The following GOLIM4 variants were observed in gnomAD, a reference collection of about 807,000 sequenced individuals.
The protein encoded by GOLIM4 is 130 kDa golgi-localized phosphoprotein.
Under a neutral mutation model 107.4 loss-of-function variants are expected in GOLIM4, and 71 were observed. That is an observed-to-expected ratio of 0.66 (90% CI 0.55 to 0.81). The LOEUF is 0.81. Among genes scored for constraint, GOLIM4 ranks in the 30% least tolerant of loss-of-function variants. The pLI is 0.00. For synonymous variants in GOLIM4, 327 were observed against 294.8 expected, an observed-to-expected ratio of 1.11 and a Z score of -1.12; for missense variants, 830 against 826.1, an observed-to-expected ratio of 1.00 and a Z score of -0.06.
chr3:168,092,705 A>G (rs1721973918), intron 1 of GOLIM4, among the ~76,000 whole-genome samples: 2 of 152,212 alleles, frequency 1.3e-5, no homozygotes, highest in Admixed American at 1.3e-4. Flanking sequence ...TGCAGGTGGT[A>G]CACAGTGCTG....
chr3:168,046,436 G>C (rs1719308624), intron 3 of GOLIM4, among the ~76,000 whole-genome samples: 1 of 152,322 alleles, frequency 6.6e-6, no homozygotes, highest in East Asian at 1.9e-4. Context: ...TTCCTAGGCA[G>C]AGGACCCTGC....
At position 168,059,352 on chromosome 3, in the gene GOLIM4, C is replaced by T. The variant is rs138307808; in HGVS notation, c.188-10987G>A. On this transcript the variant is annotated intron_variant, in intron 1 of 15. Coordinates refer to ENST00000470487, the MANE Select transcript of GOLIM4 (RefSeq NM_014498.5). ...TCTCCTTCAAATCAATGTAGCAGTA[C>T]ACACAAGTTAACTCACCTTCATTCA... Among the ~76,000 whole-genome samples the T allele has an allele frequency of 2.0e-3, 301 of 152,350 alleles. 2 individuals carry two copies. The highest frequency in any genetic ancestry group is 6.8e-3 in the African/African-American group (282 of 41,584).
chr3:168,030,810 C>T (rs1187407107), intron 9 of GOLIM4, among the ~76,000 whole-genome samples: 1 of 152,016 alleles, frequency 6.6e-6, no homozygotes, highest in Non-Finnish European at 1.5e-5. Flanking sequence ...GGAGGTTCCT[C>T]AAAAAGCTAA....
chr3:168,082,818 G>C (rs1161509884), intron 1 of GOLIM4, among the ~76,000 whole-genome samples: 1 of 151,934 alleles, frequency 6.6e-6, no homozygotes, highest in Admixed American at 6.6e-5. Flanking sequence ...AATGGGGCAG[G>C]AAGAGAAACA....
intron 1 of GOLIM4, among the ~76,000 whole-genome samples, chr3:168,055,309 C>A (rs919953115): frequency 2.0e-5 from 3 of 152,146 alleles, no homozygotes; most frequent in African/African-American, 4.8e-5. Context: ...GATATGGACA[C>A]TGAAATCCAG....
At chr3:168,050,507 G>A (rs1209687101) in intron 1 of GOLIM4, among the ~76,000 whole-genome samples, 1 of 152,034 alleles carries the variant, frequency 6.6e-6, no homozygotes, top group Non-Finnish European at 1.5e-5. Flanking sequence ...TAGGGAAAGA[G>A]CTAAATTACA....
chr3:168,074,096 G>A (rs1044302502), intron 1 of GOLIM4, among the ~76,000 whole-genome samples: 4 of 152,164 alleles, frequency 2.6e-5, no homozygotes, highest in Non-Finnish European at 4.4e-5. Context: ...TAGGCAACCC[G>A]AGGAGGGGCG....
chr3:168,062,592 C>T (rs116520071), intron 1 of GOLIM4, among the ~76,000 whole-genome samples: 3,497 of 152,182 alleles, frequency 0.023, 132 homozygotes, highest in African/African-American at 0.08. Context: ...AATGTGTCTT[C>T]CTCACAAATG....
intron 14 of GOLIM4, among the ~76,000 whole-genome samples, chr3:168,020,611 T>C (rs962569514): frequency 5.3e-5 from 8 of 152,228 alleles, no homozygotes; most frequent in Admixed American, 6.5e-5. Flanking sequence ...AGATGGGCTA[T>C]AGAAAATTTA....
chr3:168,062,782 T>C (rs771565358), intron 1 of GOLIM4, among the ~76,000 whole-genome samples: 10 of 149,686 alleles, frequency 6.7e-5, no homozygotes, highest in Non-Finnish European at 1.5e-4. Context: ...TGAAGCAAAC[T>C]ATATTTAGGA....
intron 8 of GOLIM4, among the ~76,000 whole-genome samples, chr3:168,036,103 G>A (rs1471007203): frequency 6.6e-6 from 1 of 152,176 alleles, no homozygotes; most frequent in East Asian, 1.9e-4. Flanking sequence ...TGGGTTGACT[G>A]TCACATAAAA....
chr3:168,041,119 CATT>C (rs897283145), intron 6 of GOLIM4: 72 of 503,856 alleles, frequency 1.4e-4, no homozygotes, highest in African/African-American at 1.3e-3. Flanking sequence ...ACAAATTTCT[CATT>C]ATTAGTAAAC....
intron 8 of GOLIM4, 37 bp from the exon 9 acceptor site, chr3:168,032,889 A>G: frequency 1.4e-6 from 2 of 1,459,134 alleles, no homozygotes; most frequent in Non-Finnish European, 1.9e-6. Context: ...ACACTCTTCC[A>G]ATTTCAAAAG....
intron 10 of GOLIM4, 128 bp downstream of exon 10, chr3:168,029,652 T>C: frequency 2.0e-6 from 2 of 985,642 alleles, no homozygotes; most frequent in Non-Finnish European, 3.0e-6. Flanking sequence ...GTAGCTGTCC[T>C]GCCTTGGCTA....
At chr3:168,032,445 T>C (rs938098440) in intron 9 of GOLIM4, 75 bp downstream of exon 9, 1 of 987,540 alleles carries the variant, frequency 1.0e-6, no homozygotes, top group African/African-American at 1.6e-5. Flanking sequence ...GATTGTGATA[T>C]ATTACCTTAA....
At position 168,032,547 on chromosome 3, in the gene GOLIM4, G is replaced by A; in HGVS notation, c.1149C>T (p.Asn383=). Residue 383 remains asparagine, a synonymous_variant, in exon 9 of 16, where the codon AAC becomes AAT. Transcript: ENST00000470487. ...KEQHEQREAA[N]LLEGHARAEV... The stretch of plus-strand genomic sequence containing the variant: ...CAGCACGCGCGTGCCCTTCCAGGAG[G>A]TTGGCTGCTTCTCGTTGCTCATGCT... 1.9e-6 allele frequency: 3 copies of A among 1,614,052 alleles called. No homozygotes were observed. Among genetic ancestry groups the A allele is most frequent in the African/African-American group, 1.3e-5 (1 of 75,014 alleles).
chr3:168,065,106 G>A (rs1021077682), intron 1 of GOLIM4, among the ~76,000 whole-genome samples: 6 of 152,284 alleles, frequency 3.9e-5, no homozygotes, highest in South Asian at 2.1e-4. Flanking sequence ...CAAATTCACT[G>A]TTCACAACTA....
chr3:168,051,100 A>G (rs1474868108), intron 1 of GOLIM4, among the ~76,000 whole-genome samples: 1 of 152,084 alleles, frequency 6.6e-6, no homozygotes, highest in Non-Finnish European at 1.5e-5. Flanking sequence ...CCAGATAATC[A>G]GGTCATAATT....
intron 9 of GOLIM4, 29 bp from the exon 10 acceptor site, chr3:168,030,065 A>T: frequency 6.2e-7 from 1 of 1,606,324 alleles, no homozygotes; most frequent in Non-Finnish European, 8.5e-7. Context: ...GGTGCAGAGC[A>T]AGAGGGGTTA....
Sources: gnomAD v4.1 joint callset for allele counts (sites outside exome capture counted in the v4.1 genomes callset) on GRCh38, gnomAD v4.1.1 for gene constraint, MANE v1.5 for transcripts, NCBI Gene and HGNC (gene_info 2026-07-23, HGNC 2026-07-21) for gene names.